CIT: variants seen among roughly 807,000 people sequenced by gnomAD.
The protein encoded by CIT is citron Rho-interacting kinase.
CIT carries 79 observed loss-of-function variants against 272.7 expected under a neutral mutation model. The observed-to-expected ratio is 0.29, with a 90% CI of 0.24 to 0.35. The LOEUF is 0.35. Among genes scored for constraint, CIT ranks in the 10% least tolerant of loss-of-function variants. The probability of loss-of-function intolerance (pLI) is 1.00; values close to 1 mark genes in which losing one functional copy is unlikely to be tolerated. For synonymous variants in CIT, 948 were observed against 995.6 expected (o/e 0.95, Z 0.90); for missense variants, 1,909 against 2,618.3 (o/e 0.73, Z 5.91).
At chr12:119,778,649 C>A (rs183097732) in intron 13 of CIT, among the ~76,000 whole-genome samples, 17 of 152,198 alleles carry the variant, frequency 1.1e-4, no homozygotes, top group Admixed American at 3.3e-4. Flanking sequence ...GACGCCCCCC[C>A]CCCAGAGCAT....
chr12:119,825,318 C>A lies in CIT; in HGVS notation c.804G>T (p.Val268=). 6.2e-7 allele frequency: 1 copy of A among 1,614,130 alleles called. No homozygotes were observed. The highest frequency in any genetic ancestry group is 1.1e-5 in the South Asian group (1 of 91,082). Reference sequence around the variant, plus strand: ...TTCCATCCCCGTTCATCACAGTCAGCACTTCAGGAGCCATGTAATCTGGGG... The same window carrying A: ...TTCCATCCCCGTTCATCACAGTCAGAACTTCAGGAGCCATGTAATCTGGGG... ...IGTPDYMAPE[V]LTVMNGDGKG... is the part of the protein sequence containing the mutation. The change falls in exon 8 of 48, where the codon GTG becomes GTT. Residue 268 remains valine, a synonymous_variant. Coordinates refer to ENST00000392521, the MANE Select transcript of CIT (RefSeq NM_001206999.2).
intron 26 of CIT, among the ~76,000 whole-genome samples, chr12:119,731,733 A>C (rs139993730): frequency 6.6e-6 from 1 of 151,348 alleles, no homozygotes; most frequent in Non-Finnish European, 1.5e-5. Flanking sequence ...TATGATCTCC[A>C]TAAAACTATT....
chr12:119,741,444 AT>A (rs1479849713), intron 24 of CIT, among the ~76,000 whole-genome samples: 2 of 152,220 alleles, frequency 1.3e-5, no homozygotes, highest in African/African-American at 4.8e-5. Flanking sequence ...CTGTGTAAAA[AT>A]TTTATTGAGC....
intron 10 of CIT, among the ~76,000 whole-genome samples, chr12:119,788,187 C>G (rs1399488377): frequency 1.3e-5 from 2 of 152,152 alleles, no homozygotes; most frequent in Non-Finnish European, 2.9e-5. Flanking sequence ...AAATTTTAAC[C>G]AAGTTCTACG....
intron 2 of CIT, among the ~76,000 whole-genome samples, chr12:119,873,962 C>T (rs1950761817): frequency 6.6e-6 from 1 of 152,040 alleles, no homozygotes; most frequent in Non-Finnish European, 1.5e-5. Context: ...TTACTAAGAG[C>T]CAGGCAAGGT....
In CIT at chr12:119,767,177, G is replaced by A. The variant is rs777774879; in HGVS notation, c.2214C>T (p.Leu738=). The part of the protein sequence containing the change: ...IQQMADKILE[L]EEKHREAQVS... ...CTTGGGCCTCCCGATGTTTCTCTTC[G>A]AGCTCCTAGACACAAAAGAAAAGAC... The change falls in exon 19 of 48, where the codon CTC becomes CTT. Residue 738 remains leucine, a synonymous_variant. Coordinates refer to ENST00000392521, the MANE Select transcript of CIT (RefSeq NM_001206999.2). 9.9e-6 allele frequency: 16 copies of A among 1,608,556 alleles called. No individual in the cohort carries two copies. Among genetic ancestry groups the A allele is most frequent in the South Asian group, 6.7e-5 (6 of 89,558 alleles).
At chr12:119,833,061 A>G (rs958871746) in intron 6 of CIT, among the ~76,000 whole-genome samples, 197 bp from the exon 7 acceptor site, 5 of 152,120 alleles carry the variant, frequency 3.3e-5, no homozygotes, top group African/African-American at 9.7e-5. Context: ...GGAGAGAGAG[A>G]GGGAGAGAGG....
chr12:119,814,179 G>T (rs1449485243), intron 9 of CIT, among the ~76,000 whole-genome samples: 1 of 152,060 alleles, frequency 6.6e-6, no homozygotes, highest in Non-Finnish European at 1.5e-5. Flanking sequence ...GAATAAAGTA[G>T]AATATTACAT....
At chr12:119,743,542 T>C (rs1249618597) in intron 23 of CIT, among the ~76,000 whole-genome samples, 1 of 152,132 alleles carries the variant, frequency 6.6e-6, no homozygotes, top group African/African-American at 2.4e-5. Flanking sequence ...TCCAGTGAAG[T>C]AGAATAAAAA....
At chr12:119,838,844 T>C (rs150604148) in intron 5 of CIT, among the ~76,000 whole-genome samples, 200 of 152,148 alleles carry the variant, frequency 1.3e-3, no homozygotes, top group African/African-American at 4.3e-3. Context: ...GCACACACAA[T>C]GAGCAGCTGC....
intron 44 of CIT, chr12:119,699,882 T>G (rs1361023926): frequency 2.2e-6 from 1 of 456,006 alleles, no homozygotes; most frequent in Non-Finnish European, 4.4e-6. Context: ...CGACGGCATT[T>G]CAGAACATTC....
chr12:119,861,294 G>A (rs1353130384), intron 3 of CIT, among the ~76,000 whole-genome samples: 1 of 150,728 alleles, frequency 6.6e-6, no homozygotes, highest in Non-Finnish European at 1.5e-5. Context: ...CTGTGAAAAT[G>A]CAGTCAGAGG....
Position 119,712,789 on chromosome 12 carries a change from G to C in CIT, c.4580-94C>G. Reference sequence around the variant, plus strand: ...AGCGAGAGAGACAGCAAGGGAGAGAGAGACAGGGTACGTGTGTAAAGAGAG... The same window carrying C: ...AGCGAGAGAGACAGCAAGGGAGAGACAGACAGGGTACGTGTGTAAAGAGAG... On this transcript the variant is annotated intron_variant, in intron 35 of 47. Transcript: ENST00000392521. The surrounding 1 kb of genome is among the most constrained non-coding windows in gnomAD (Gnocchi z 5.2). 2 of 1,016,762 alleles carry C rather than the reference G, an allele frequency of 2.0e-6. No individual in the cohort carries two copies. Among genetic ancestry groups the C allele is most frequent in the Non-Finnish European group, 3.0e-6 (2 of 658,016 alleles). 63.0% of individuals were successfully genotyped at this position (1,016,762 alleles called of 1,614,324 possible).
At position 119,697,699 on chromosome 12, in the gene CIT, A is replaced by C. The variant is rs749297429; in HGVS notation, c.5842T>G (p.Ser1948Ala). ...GGGCCCCGGTGGTGTTCAGTGCCGG[A>C]CTCCTTCACGAGGTTTCCCTTGCAG... is the stretch of plus-strand genomic sequence containing the variant. ...ICCKGNLVKE[S>A]GTEHHRGPST... Residue 1948 changes from serine to alanine, a missense_variant, in exon 46 of 48, where the codon TCC becomes GCC. Transcript: ENST00000392521. This position sits in a 1 kb window ranked among gnomAD's most constrained non-coding sequence, Gnocchi z 4.9. 26 of 1,613,746 alleles carry C rather than the reference A, an allele frequency of 1.6e-5. No homozygotes were observed. In the South Asian group the frequency reaches 2.6e-4, roughly 16 times the overall value.
At chr12:119,869,538 T>C (rs183153156) in intron 2 of CIT, among the ~76,000 whole-genome samples, 1 of 152,330 alleles carries the variant, frequency 6.6e-6, no homozygotes, top group African/African-American at 2.4e-5. Flanking sequence ...GCTTCCATGT[T>C]TCTACAATAG....
chr12:119,748,183 C>A (rs370536410), intron 23 of CIT, among the ~76,000 whole-genome samples: 18 of 152,040 alleles, frequency 1.2e-4, no homozygotes, highest in Middle Eastern at 3.4e-3. Flanking sequence ...GGAAAAAAAA[C>A]CATCTGATCT....
chr12:119,817,817 G>GTC (rs1967336572), intron 9 of CIT, among the ~76,000 whole-genome samples: 1 of 151,656 alleles, frequency 6.6e-6, no homozygotes, highest in African/African-American at 2.4e-5. Flanking sequence ...GCTCATATCT[G>GTC]TAATCCCATC....
intron 44 of CIT, among the ~76,000 whole-genome samples, chr12:119,700,542 C>A (rs1416805089): frequency 1.3e-5 from 2 of 152,176 alleles, no homozygotes; most frequent in Non-Finnish European, 2.9e-5. Flanking sequence ...GCCACCATGC[C>A]TGGCTAATTT....
chr12:119,831,786 G>A (rs533048146), intron 7 of CIT, among the ~76,000 whole-genome samples: 4 of 152,174 alleles, frequency 2.6e-5, no homozygotes, highest in East Asian at 1.9e-4. Context: ...GGAGAATGGC[G>A]TGAACCCAGG....
Sources: gnomAD v4.1 joint callset for allele counts (sites outside exome capture counted in the v4.1 genomes callset) on GRCh38, gnomAD v4.1.1 for gene constraint, Gnocchi (gnomAD v3.1) non-coding constraint, MANE v1.5 for transcripts, NCBI Gene and HGNC (gene_info 2026-07-23, HGNC 2026-07-21) for gene names.